PSMC2: variants seen among roughly 807,000 people sequenced by gnomAD.
The protein encoded by PSMC2 is proteasome 26S subunit, ATPase 2.
Under a neutral mutation model 53.3 loss-of-function variants are expected in PSMC2, and 7 were observed. That is an observed-to-expected ratio of 0.13 (90% confidence interval 0.07 to 0.25). The LOEUF (loss-of-function observed/expected upper bound fraction) is 0.25. Ranked by LOEUF, PSMC2 falls within the 10% of genes least tolerant of loss-of-function variation. The pLI, the probability that PSMC2 is intolerant of heterozygous loss-of-function variation, is 1.00. For missense variants in PSMC2, 241 were observed against 544.0 expected, an observed-to-expected ratio of 0.44 and a Z score of 5.54; for synonymous variants, 169 against 183.9, an observed-to-expected ratio of 0.92 and a Z score of 0.66.
Position 103,362,074 on chromosome 7 carries a change from A to G in PSMC2, c.408A>G (p.Glu136=), listed in dbSNP as rs1489312181. The G allele has an allele frequency of 6.2e-7, 1 of 1,612,846 alleles. No individual in the cohort carries two copies. The highest frequency in any genetic ancestry group is 2.2e-5 in the East Asian group (1 of 44,854). ...AGGTGGCACCTACTGACATTGAAGA[A>G]GGGATGAGAGTGGGGTAAGATTTCT... is the stretch of plus-strand genomic sequence containing the variant. ...SDQVAPTDIE[E]GMRVGVDRNK... Residue 136 remains glutamate, a synonymous_variant, in exon 5 of 12, where the codon GAA becomes GAG. Transcript: ENST00000292644.
intron 8 of PSMC2, among the ~76,000 whole-genome samples, chr7:103,364,942 T>TA (rs1820613550): frequency 7.9e-6 from 1 of 126,602 alleles, no homozygotes; most frequent in African/African-American, 2.9e-5. Flanking sequence ...AGGTTGTTTT[T>TA]ATGTTTGTAG....
intron 4 of PSMC2, among the ~76,000 whole-genome samples, chr7:103,356,830 A>G (rs1820061095): frequency 6.6e-6 from 1 of 152,182 alleles, no homozygotes; most frequent in African/African-American, 2.4e-5. Context: ...TGTTGCTTAG[A>G]AAAACCTAGC....
chr7:103,368,127 A>G lies in PSMC2; in HGVS notation c.*73A>G. The G allele has an allele frequency of 3.1e-6, 4 of 1,308,624 alleles. No homozygotes were observed. The highest frequency in any genetic ancestry group is 1.5e-5 in the African/African-American group (1 of 67,400). 81.1% of individuals were successfully genotyped at this position (1,308,624 alleles called of 1,614,324 possible). A position where few individuals can be genotyped will look rare whatever the true frequency, so the allele number is the denominator to read the frequency against. ...ATATAGACTTGTTAATAACCAATTC[A>G]TAAACAAATAAATGGCTTCAAAATT... On this transcript the variant is annotated 3_prime_UTR_variant, in exon 12 of 12. Transcript: ENST00000292644.
chr7:103,354,104 AG>A, intron 2 of PSMC2, 146 bp downstream of exon 2: 1 of 646,048 alleles, frequency 1.5e-6, no homozygotes, highest in Non-Finnish European at 2.5e-6. Flanking sequence ...AGAAACAATT[AG>A]AAAAGAATGT....
intron 1 of PSMC2, 89 bp downstream of exon 1, chr7:103,347,870 G>T (rs977324151): frequency 7.0e-7 from 1 of 1,432,466 alleles, no homozygotes; most frequent in South Asian, 1.2e-5. Context: ...TCCCGCTCCT[G>T]GCTCTGTGCT....
At chr7:103,348,530 G>A in intron 1 of PSMC2, 1 of 692,670 alleles carries the variant, frequency 1.4e-6, no homozygotes. Flanking sequence ...TGATGGACGT[G>A]TAGATTTTTC....
chr7:103,347,525 T>TA (rs1819628237), upstream of PSMC2: 1 of 581,702 alleles, frequency 1.7e-6, no homozygotes, highest in Non-Finnish European at 3.1e-6. Context: ...TTCTCACAGG[T>TA]AATCAGTCCA....
intron 1 of PSMC2, 117 bp downstream of exon 1, chr7:103,347,898 C>T (rs1819640159): frequency 8.8e-7 from 1 of 1,142,598 alleles, no homozygotes; most frequent in Non-Finnish European, 1.3e-6. Context: ...TTTTGTGCCC[C>T]TAGTAATTTA....
chr7:103,361,592 T>A (rs1208479014), intron 4 of PSMC2, among the ~76,000 whole-genome samples: 11 of 150,690 alleles, frequency 7.3e-5, no homozygotes, highest in Admixed American at 7.3e-4. Flanking sequence ...TATTACTGAA[T>A]TTGGTGTAAG....
intron 4 of PSMC2, among the ~76,000 whole-genome samples, chr7:103,357,192 G>A (rs1820083250): frequency 2.0e-5 from 3 of 152,022 alleles, no homozygotes; most frequent in Admixed American, 1.3e-4. Flanking sequence ...TGGGTGTGGT[G>A]GCGGGCGCTT....
In PSMC2 at chr7:103,368,765, T is replaced by A. The variant is rs559479042; in HGVS notation, c.*711T>A. On this transcript the variant is annotated 3_prime_UTR_variant, in exon 12 of 12. Coordinates refer to ENST00000292644, the MANE Select transcript of PSMC2 (RefSeq NM_002803.4). ...AGACTAGTAAAAAAAGAAAAAAAAA[T>A]ATTTGTACATATGATCTAATTTAGA... 5.3e-5 allele frequency: 8 copies of A among 151,988 alleles called. No individual in the cohort carries two copies. The highest frequency in any genetic ancestry group is 1.7e-4 in the African/African-American group (7 of 41,486). The allele number at this position is 151,988 out of a possible 1,614,324, so 9.4% of individuals were successfully genotyped here. A position where few individuals can be genotyped will look rare whatever the true frequency, so the allele number is the denominator to read the frequency against.
intron 1 of PSMC2, 149 bp from the exon 2 acceptor site, chr7:103,353,772 G>T: frequency 1.5e-6 from 1 of 686,534 alleles, no homozygotes; most frequent in South Asian, 1.8e-5. Context: ...GGAACTATTT[G>T]ATTGAATATG....
In PSMC2 at chr7:103,363,457, G is replaced by C. The variant is rs374074238; in HGVS notation, c.591+18G>C. On this transcript the variant is annotated intron_variant, in intron 7 of 11. Transcript: ENST00000292644. Reference sequence around the variant, plus strand: ...TACTTCATGTAAGTAGCTGAGTGTTGTATTTAAATTTCTTTGTATAAAGAT... The same window carrying C: ...TACTTCATGTAAGTAGCTGAGTGTTCTATTTAAATTTCTTTGTATAAAGAT... The C allele has an allele frequency of 5.7e-6, 9 of 1,584,978 alleles. No individual in the cohort carries two copies. Among genetic ancestry groups the C allele is most frequent in the Non-Finnish European group, 7.8e-6 (9 of 1,153,578 alleles).
intron 4 of PSMC2, among the ~76,000 whole-genome samples, chr7:103,357,304 G>A (rs1302721897): frequency 2.7e-5 from 4 of 149,690 alleles, no homozygotes; most frequent in African/African-American, 9.9e-5. Context: ...TCAGCCTGGG[G>A]TGACAGAGTG....
rs762489538 is a variant in PSMC2 at position 103,354,863 on chromosome 7, C to T, written c.109-5C>T. On this transcript the variant is annotated splice_region_variant and splice_polypyrimidine_tract_variant and intron_variant, in intron 2 of 11. Transcript: ENST00000292644. The stretch of plus-strand genomic sequence containing the variant: ...ATTCTAACTAAACTGACCTTCATCA[C>T]CTAGGGTCAGAGCACTTACTCTAGG... The T allele has an allele frequency of 1.2e-6, 2 of 1,601,046 alleles. No individual in the cohort carries two copies. Among genetic ancestry groups the T allele is most frequent in the Non-Finnish European group, 1.7e-6 (2 of 1,169,838 alleles).
chr7:103,357,198 C>T (rs1479135611), intron 4 of PSMC2, among the ~76,000 whole-genome samples: 7 of 151,756 alleles, frequency 4.6e-5, no homozygotes, highest in African/African-American at 1.7e-4. Flanking sequence ...TGGTGGCGGG[C>T]GCTTGTAATC....
rs1820698767 is a variant in PSMC2, at chr7:103,365,964, T to C, written c.757-112T>C. On this transcript the variant is annotated intron_variant, in intron 8 of 11. Coordinates refer to ENST00000292644, the MANE Select transcript of PSMC2 (RefSeq NM_002803.4). ...AAAATAAAAAACGTTTAGGTAATAA[T>C]GGGTGAGAATACTGTTAGGAATAAA... is the stretch of plus-strand genomic sequence containing the variant. The C allele has an allele frequency of 8.6e-6, 7 of 815,998 alleles. No individual in the cohort carries two copies. The East Asian group carries it at 1.9e-4, about 22-fold the overall frequency. The allele number at this position is 815,998 out of a possible 1,614,324, so 50.5% of individuals were successfully genotyped here.
chr7:103,366,042 C>A, intron 8 of PSMC2, 34 bp from the exon 9 acceptor site: 1 of 1,536,682 alleles, frequency 6.5e-7, no homozygotes, highest in Non-Finnish European at 8.9e-7. Flanking sequence ...ATTTTGAAAC[C>A]AATTTTGAAT....
In PSMC2 at chr7:103,363,346, G is replaced by A; in HGVS notation, c.498G>A (p.Val166=). 6.2e-7 allele frequency: 1 copy of A among 1,611,086 alleles called. No individual in the cohort carries two copies. Among genetic ancestry groups the A allele is most frequent in the Non-Finnish European group, 8.5e-7 (1 of 1,177,218 alleles). ...KIDPTVTMMQ[V]EEKPDVTYSD... is the part of the protein sequence containing the mutation. Reference sequence around the variant, plus strand: ...GTACATTTCTGTCCCTCTCTTAGGTGGAAGAGAAACCTGATGTCACATACA... The same window carrying A: ...GTACATTTCTGTCCCTCTCTTAGGTAGAAGAGAAACCTGATGTCACATACA... Residue 166 remains valine (V), a splice_region_variant and synonymous_variant, in exon 7 of 12, where the codon GTG becomes GTA. Coordinates refer to ENST00000292644, the MANE Select transcript of PSMC2 (RefSeq NM_002803.4).
Sources: gnomAD v4.1 joint callset for allele counts (sites outside exome capture counted in the v4.1 genomes callset) on GRCh38, gnomAD v4.1.1 for gene constraint, MANE v1.5 for transcripts, NCBI Gene and HGNC (gene_info 2026-07-23, HGNC 2026-07-21) for gene names.